Variants in TANC1 observed in about 807,000 individuals in gnomAD.
The protein encoded by TANC1 is protein TANC1.
TANC1 carries 77 observed loss-of-function variants against 149.7 expected under a neutral mutation model. The observed-to-expected ratio is 0.51, with a 90% CI of 0.43 to 0.62. TANC1 has a LOEUF of 0.62. Among genes scored for constraint, TANC1 ranks in the 20% least tolerant of loss-of-function variants. The pLI is 0.00. For synonymous variants in TANC1, 854 were observed against 925.0 expected, an observed-to-expected ratio of 0.92 and a Z score of 1.39; for missense variants, 1,985 against 2,321.8, an observed-to-expected ratio of 0.85 and a Z score of 2.98.
intron 10 of TANC1, 73 bp downstream of exon 10, chr2:159,170,878 C>T (rs2055126629): frequency 4.7e-6 from 7 of 1,503,476 alleles, no homozygotes; most frequent in Non-Finnish European, 6.3e-6. Context: ...TTCACATAGA[C>T]ATAAAATACC....
intron 1 of TANC1, among the ~76,000 whole-genome samples, chr2:158,985,050 A>C (rs1203731504): frequency 6.6e-6 from 1 of 152,082 alleles, no homozygotes; most frequent in Non-Finnish European, 1.5e-5. Flanking sequence ...GGTGTGGAGG[A>C]GAGACTGGCG....
Position 159,017,486 on chromosome 2 carries a change from G to T in TANC1, c.-16+16297G>T, listed in dbSNP as rs565343731. On this transcript the variant is annotated intron_variant, in intron 2 of 26. Coordinates refer to ENST00000263635, the MANE Select transcript of TANC1 (RefSeq NM_033394.3). ...GACTCAAGATTGTAAACTCACAGGGGATGGCCCTGTAAATGTTAGGAAATA... is the reference window on the plus strand; with the variant it reads ...GACTCAAGATTGTAAACTCACAGGGTATGGCCCTGTAAATGTTAGGAAATA... Among the ~76,000 whole-genome samples the T allele has an allele frequency of 3.3e-5, 5 of 152,242 alleles. 1 individual carries two copies. In the South Asian group the frequency reaches 1.0e-3, roughly 32 times the overall value.
At chr2:158,974,558 G>A (rs946724193) in intron 1 of TANC1, among the ~76,000 whole-genome samples, 1 of 151,594 alleles carries the variant, frequency 6.6e-6, no homozygotes, top group Non-Finnish European at 1.5e-5. Flanking sequence ...TCGGCCTCCC[G>A]AGTAGCTGGG....
intron 7 of TANC1, among the ~76,000 whole-genome samples, chr2:159,162,071 A>G (rs1254606312): frequency 6.6e-6 from 1 of 152,224 alleles, no homozygotes; most frequent in Non-Finnish European, 1.5e-5. Flanking sequence ...AGACAGTCAG[A>G]ATTGTGACAG....
chr2:159,225,950 G>C, intron 24 of TANC1, 171 bp downstream of exon 24: 1 of 658,792 alleles, frequency 1.5e-6, no homozygotes, highest in Middle Eastern at 2.6e-4. Context: ...TGGAGGCCGA[G>C]GTGGGCAGAT....
At chr2:159,129,658 T>G (rs547929164) in intron 4 of TANC1, among the ~76,000 whole-genome samples, 1 of 152,306 alleles carries the variant, frequency 6.6e-6, no homozygotes, top group African/African-American at 2.4e-5. Flanking sequence ...GTTTTTAATT[T>G]TAAGGGTCCT....
intron 4 of TANC1, among the ~76,000 whole-genome samples, chr2:159,118,813 G>A (rs1396658035): frequency 6.6e-6 from 1 of 152,182 alleles, no homozygotes; most frequent in African/African-American, 2.4e-5. Flanking sequence ...GCCAGGTTCT[G>A]TGATTCTTAC....
At chr2:159,014,850 G>T (rs1301295028) in intron 2 of TANC1, among the ~76,000 whole-genome samples, 1 of 152,174 alleles carries the variant, frequency 6.6e-6, no homozygotes, top group Non-Finnish European at 1.5e-5. Flanking sequence ...ACTGATGCAA[G>T]AGTTGGGTTT....
At chr2:158,971,575 C>G (rs1573883593) in intron 1 of TANC1, among the ~76,000 whole-genome samples, 1 of 152,304 alleles carries the variant, frequency 6.6e-6, no homozygotes, top group South Asian at 2.1e-4. Flanking sequence ...GAACCTCTCC[C>G]TGCCCCCTTT....
chr2:159,173,158 C>G (rs1239162164), intron 11 of TANC1, among the ~76,000 whole-genome samples: 1 of 152,226 alleles, frequency 6.6e-6, no homozygotes, highest in African/African-American at 2.4e-5. Context: ...ACTCCATTGA[C>G]TGTGACCCAC....
intron 22 of TANC1, 76 bp from the exon 23 acceptor site, chr2:159,224,156 C>T: frequency 1.3e-6 from 2 of 1,555,424 alleles, no homozygotes; most frequent in Non-Finnish European, 8.8e-7. Context: ...GAAGCTAAGA[C>T]TGCCCACCCC....
Position 159,176,524 on chromosome 2 carries a change from A to G in TANC1, c.1902+6A>G. ...CTGTAAGAGCAAATTTTCAGGTAAC[A>G]AAGAATTCTCAAATCTTTCTCCAAG... On this transcript the variant is annotated splice_donor_region_variant and intron_variant, in intron 13 of 26. Coordinates refer to ENST00000263635, the MANE Select transcript of TANC1 (RefSeq NM_033394.3). 6.3e-7 allele frequency: 1 copy of G among 1,583,818 alleles called. No homozygotes were observed. The highest frequency in any genetic ancestry group is 8.5e-7 in the Non-Finnish European group (1 of 1,170,142).
Position 159,224,245 on chromosome 2 carries a change from TGGA to T in TANC1, c.3694_3696del (p.Glu1232del). ...CTGTCTCTGCAGGTGCTGTACCTGG[TGGA>T]GAAGGGAGCCGTGATCGAGCATGTG... On this transcript the variant is annotated inframe_deletion, in exon 23 of 27. Transcript: ENST00000263635. 1 of 1,614,110 alleles carries T rather than the reference TGGA, an allele frequency of 6.2e-7. No homozygotes were observed. The highest frequency in any genetic ancestry group is 8.5e-7 in the Non-Finnish European group (1 of 1,180,032).
intron 1 of TANC1, among the ~76,000 whole-genome samples, chr2:158,972,733 T>A (rs2033082149): frequency 6.6e-6 from 1 of 152,184 alleles, no homozygotes; most frequent in African/African-American, 2.4e-5. Context: ...GTATCAGTGC[T>A]CATTGGCTGG....
At chr2:158,980,691 C>T (rs935575795) in intron 1 of TANC1, among the ~76,000 whole-genome samples, 2 of 151,220 alleles carry the variant, frequency 1.3e-5, no homozygotes, top group Non-Finnish European at 2.9e-5. Flanking sequence ...AGGAGAATGG[C>T]GTGAACCCAG....
At chr2:159,080,623 T>G (rs1303655409) in intron 3 of TANC1, among the ~76,000 whole-genome samples, 1 of 152,120 alleles carries the variant, frequency 6.6e-6, no homozygotes, top group East Asian at 1.9e-4. Flanking sequence ...AAAGAATAGC[T>G]TTGCAAAGAT....
chr2:159,093,733 C>CCCCCCT (rs2045792192), intron 3 of TANC1, among the ~76,000 whole-genome samples: 1 of 151,720 alleles, frequency 6.6e-6, no homozygotes, highest in African/African-American at 2.4e-5. Context: ...GAAATGGAAA[C>CCCCCCT]CCCCCTCCCC....
chr2:159,104,974 A>T, intron 4 of TANC1, among the ~76,000 whole-genome samples: 1 of 88,634 alleles, frequency 1.1e-5, no homozygotes, highest in Non-Finnish European at 2.4e-5. Flanking sequence ...TGATTGTTGG[A>T]TATTTGCTTT....
intron 3 of TANC1, among the ~76,000 whole-genome samples, chr2:159,086,833 A>G (rs1257537483): frequency 5.3e-5 from 8 of 152,056 alleles, no homozygotes; most frequent in Non-Finnish European, 4.4e-5. Flanking sequence ...TTATTTTTCC[A>G]TTATAAAAGA....
Sources: gnomAD v4.1 joint callset for allele counts (sites outside exome capture counted in the v4.1 genomes callset) on GRCh38, gnomAD v4.1.1 for gene constraint, MANE v1.5 for transcripts, NCBI Gene and HGNC (gene_info 2026-07-23, HGNC 2026-07-21) for gene names.